FAM124A: variants seen among roughly 807,000 people sequenced by gnomAD.
The protein encoded by FAM124A is protein FAM124A.
Under a neutral mutation model 24.5 loss-of-function variants are expected in FAM124A, and 23 were observed. That is an observed-to-expected ratio of 0.94 (90% CI 0.68 to 1.33). FAM124A has a LOEUF of 1.33. Among genes scored for constraint, FAM124A ranks in the 40% most tolerant of loss-of-function variants. The pLI is 0.00. For synonymous variants in FAM124A, 287 were observed against 314.7 expected (o/e 0.91, Z 0.93); for missense variants, 623 against 722.8 (o/e 0.86, Z 1.58).
At chr13:51,243,714 T>C (rs1954526655) in intron 2 of FAM124A, among the ~76,000 whole-genome samples, 1 of 152,090 alleles carries the variant, frequency 6.6e-6, no homozygotes, top group Admixed American at 6.5e-5. Context: ...TTTTGTATTT[T>C]TAGTAGAGAC....
rs1261254776 is a variant in FAM124A, at chr13:51,283,253, G to C, written c.*1997G>C. On this transcript the variant is annotated 3_prime_UTR_variant, in exon 4 of 4. Coordinates refer to ENST00000322475, the MANE Select transcript of FAM124A (RefSeq NM_001242312.2). ...AGACAGAGTTTCACCATGTTGGCCA[G>C]GTTGGTCTCAAACTCCTGACTTCGT... The C allele has an allele frequency of 6.6e-6, 1 of 152,148 alleles. No homozygotes were observed. The highest frequency in any genetic ancestry group is 1.5e-5 in the Non-Finnish European group (1 of 68,046). 9.4% of individuals were successfully genotyped at this position (152,148 alleles called of 1,614,324 possible). A position where few individuals can be genotyped will look rare whatever the true frequency, so the allele number is the denominator to read the frequency against.
In FAM124A at chr13:51,249,430, C is replaced by T. The variant is rs191754259; in HGVS notation, c.101-2038C>T. ...AAGCTGAAACTTGACTCCGCTCTTA[C>T]CTTAGTCATCCTTAACTTCCAGAAG... On this transcript the variant is annotated intron_variant, in intron 2 of 3. Coordinates refer to ENST00000322475, the MANE Select transcript of FAM124A (RefSeq NM_001242312.2). Among the ~76,000 whole-genome samples the T allele has an allele frequency of 6.3e-3, 960 of 152,330 alleles. 20 individuals are homozygous for T. The highest frequency in any genetic ancestry group is 5.2e-3 in the Non-Finnish European group (357 of 68,032).
At chr13:51,250,811 A>G (rs114749734) in intron 2 of FAM124A, among the ~76,000 whole-genome samples, 2,710 of 152,208 alleles carry the variant, frequency 0.018, 82 homozygotes, top group African/African-American at 0.062. Context: ...CTTGGCCAGG[A>G]CCCCACAATA....
Position 51,251,981 on chromosome 13 carries a change from T to A in FAM124A, c.614T>A (p.Phe205Tyr). Residue 205 changes from phenylalanine (F) to tyrosine (Y), a missense_variant, in exon 3 of 4, where the codon TTC (phenylalanine) becomes TAC (tyrosine). Physicochemically the swap from Phe to Tyr is conservative, Grantham distance 22. Coordinates refer to ENST00000322475, the MANE Select transcript of FAM124A (RefSeq NM_001242312.2). The surrounding 1 kb of genome is among the most constrained non-coding windows in gnomAD (Gnocchi z 5.3). Reference sequence around the variant, plus strand: ...AGCCCCAGCCAGAAGAAAGCGGACTTCTGCATCTTCCCTATTTTTTCCAAC... The same window carrying A: ...AGCCCCAGCCAGAAGAAAGCGGACTACTGCATCTTCCCTATTTTTTCCAAC... ...RRSPSQKKAD[F>Y]CIFPIFSNLD... 1 of 1,614,258 alleles carries A rather than the reference T, an allele frequency of 6.2e-7. No individual in the cohort carries two copies. The highest frequency in any genetic ancestry group is 8.5e-7 in the Non-Finnish European group (1 of 1,180,040).
At chr13:51,253,327 A>C (rs1954644758) in intron 3 of FAM124A, 1 of 152,242 alleles carries the variant, frequency 6.6e-6, no homozygotes, top group African/African-American at 2.4e-5. Context: ...ACTGGTTCAG[A>C]CTACAGCCAG....
rs12428524 is a variant in FAM124A, at chr13:51,283,622, C to A, written c.*2366C>A. On this transcript the variant is annotated 3_prime_UTR_variant, in exon 4 of 4. Transcript: ENST00000322475. ...TGGAAAGCCACCAGCACTCCACCTTCTGCCCAGAAATGTGATTCAGTCAAT... is the reference window on the plus strand; with the variant it reads ...TGGAAAGCCACCAGCACTCCACCTTATGCCCAGAAATGTGATTCAGTCAAT... The A allele has an allele frequency of 6.6e-6, 1 of 152,110 alleles. No homozygotes were observed. Among genetic ancestry groups the A allele is most frequent in the African/African-American group, 2.4e-5 (1 of 41,386 alleles). The allele number at this position is 152,110 out of a possible 1,614,324, so 9.4% of individuals were successfully genotyped here.
chr13:51,278,455 G>A (rs1954905562), intron 3 of FAM124A, among the ~76,000 whole-genome samples: 1 of 152,162 alleles, frequency 6.6e-6, no homozygotes, highest in Non-Finnish European at 1.5e-5. Flanking sequence ...TGACCCCTCT[G>A]CCACTGGACA....
At chr13:51,250,678 G>A (rs1013247703) in intron 2 of FAM124A, among the ~76,000 whole-genome samples, 4 of 152,212 alleles carry the variant, frequency 2.6e-5, no homozygotes, top group African/African-American at 4.8e-5. Flanking sequence ...CCTTTCATGG[G>A]CAGTCATGGT....
At chr13:51,269,638 T>C (rs1954820905) in intron 3 of FAM124A, among the ~76,000 whole-genome samples, 1 of 152,216 alleles carries the variant, frequency 6.6e-6, no homozygotes, top group Non-Finnish European at 1.5e-5. Context: ...AAGTTTAAGA[T>C]GTTAAAGGAA....
intron 3 of FAM124A, among the ~76,000 whole-genome samples, chr13:51,257,046 C>G (rs1036491569): frequency 6.6e-6 from 1 of 152,166 alleles, no homozygotes; most frequent in African/African-American, 2.4e-5. Flanking sequence ...GAATAATATT[C>G]CATTGCAGGA....
At chr13:51,255,140 A>G (rs1190132652) in intron 3 of FAM124A, among the ~76,000 whole-genome samples, 1 of 152,182 alleles carries the variant, frequency 6.6e-6, no homozygotes, top group Admixed American at 6.5e-5. Context: ...TGGATCTCAC[A>G]TTTAAAAAAC....
At chr13:51,278,912 C>T (rs1207725005) in intron 3 of FAM124A, among the ~76,000 whole-genome samples, 18 of 152,228 alleles carry the variant, frequency 1.2e-4, no homozygotes, top group Admixed American at 1.1e-3. Flanking sequence ...CCTGGCATTC[C>T]TTGCATGGGA....
chr13:51,231,754 C>T (rs1954379489), intron 2 of FAM124A, among the ~76,000 whole-genome samples: 1 of 152,220 alleles, frequency 6.6e-6, no homozygotes, highest in South Asian at 2.1e-4. Context: ...CAGCTCATCT[C>T]TTGCAAAATC....
intron 2 of FAM124A, among the ~76,000 whole-genome samples, chr13:51,250,673 C>T (rs888853743): frequency 6.6e-6 from 1 of 152,214 alleles, no homozygotes; most frequent in African/African-American, 2.4e-5. Context: ...GGTAGCCTTT[C>T]ATGGGCAGTC....
intron 3 of FAM124A, among the ~76,000 whole-genome samples, chr13:51,270,281 C>T (rs961878404): frequency 6.6e-6 from 1 of 152,174 alleles, no homozygotes; most frequent in African/African-American, 2.4e-5. Flanking sequence ...TGAGATAACT[C>T]ATTATTTACA....
chr13:51,251,769 G>A lies in FAM124A; in HGVS notation c.402G>A (p.Glu134=). 1 of 1,587,642 alleles carries A rather than the reference G, an allele frequency of 6.3e-7. No homozygotes were observed. The highest frequency in any genetic ancestry group is 2.3e-5 in the East Asian group (1 of 43,366). Residue 134 remains glutamate (E), a synonymous_variant, in exon 3 of 4, where the codon GAG becomes GAA. Coordinates refer to ENST00000322475, the MANE Select transcript of FAM124A (RefSeq NM_001242312.2). The surrounding 1 kb of genome is among the most constrained non-coding windows in gnomAD (Gnocchi z 5.3). ...QQPPWRHHHT[E]QVHGRFLPYL... is the part of the protein sequence containing the mutation. The stretch of plus-strand genomic sequence containing the variant: ...CGCCCTGGCGCCACCACCACACCGA[G>A]CAGGTGCACGGCCGGTTCCTGCCCT...
chr13:51,278,401 G>A (rs1218497745), intron 3 of FAM124A, among the ~76,000 whole-genome samples: 1 of 152,152 alleles, frequency 6.6e-6, no homozygotes, highest in African/African-American at 2.4e-5. Context: ...ACCTTCACAG[G>A]TGCGGGTTGT....
At chr13:51,273,567 T>C (rs1052756820) in intron 3 of FAM124A, among the ~76,000 whole-genome samples, 16 of 150,722 alleles carry the variant, frequency 1.1e-4, no homozygotes, top group African/African-American at 3.9e-4. Context: ...AACATTGCGT[T>C]GGCTTAATTT....
rs766249863 is a variant in FAM124A, at chr13:51,251,737, C to G, written c.370C>G (p.Gln124Glu). The change falls in exon 3 of 4, where the codon CAG becomes GAG. Residue 124 changes from glutamine to glutamate, a missense_variant. Transcript: ENST00000322475. This position sits in a 1 kb window ranked among gnomAD's most constrained non-coding sequence, Gnocchi z 5.3. ...EQILQLHRTL[Q>E]QPPWRHHHTE... Reference sequence around the variant, plus strand: ...GATCCTGCAGCTGCACCGCACACTGCAGCAGCCGCCCTGGCGCCACCACCA... The same window carrying G: ...GATCCTGCAGCTGCACCGCACACTGGAGCAGCCGCCCTGGCGCCACCACCA... The G allele has an allele frequency of 6.3e-7, 1 of 1,584,532 alleles. No homozygotes were observed. Among genetic ancestry groups the G allele is most frequent in the Non-Finnish European group, 8.6e-7 (1 of 1,167,032 alleles).
Sources: allele counts gnomAD v4.1 joint callset (sites outside exome capture counted in the v4.1 genomes callset), GRCh38; gene constraint gnomAD v4.1.1; non-coding constraint Gnocchi (gnomAD v3.1); transcripts MANE v1.5; gene names NCBI Gene and HGNC (gene_info 2026-07-23, HGNC 2026-07-21).